The following FRMD4A variants were observed in gnomAD, a reference collection of about 807,000 sequenced individuals.
FRMD4A encodes FERM domain containing 4A, also known as FERM domain-containing protein 4A.
Under a neutral mutation model 129.1 loss-of-function variants are expected in FRMD4A, and 29 were observed. The ratio of observed to expected loss-of-function variants is 0.22; its 90% CI spans 0.17 to 0.31. The LOEUF (loss-of-function observed/expected upper bound fraction) is 0.31, where lower values mean the gene tolerates loss of function less well. Ranked by LOEUF, FRMD4A falls within the 10% of genes least tolerant of loss-of-function variation. The probability of loss-of-function intolerance (pLI) is 1.00; values close to 1 mark genes in which losing one functional copy is unlikely to be tolerated. For missense variants in FRMD4A, 1,272 were observed against 1,375.8 expected, an observed-to-expected ratio of 0.92 and a Z score of 1.19; for synonymous variants, 634 against 571.6, an observed-to-expected ratio of 1.11 and a Z score of -1.56.
intron 11 of FRMD4A, 72 bp downstream of exon 11, chr10:13,740,122 A>G: frequency 1.2e-6 from 1 of 868,334 alleles, no homozygotes; most frequent in Non-Finnish European, 1.9e-6. Flanking sequence ...AAAGAAGAAA[A>G]CATATAACGA....
At chr10:14,253,060 T>C (rs1564419026) in intron 2 of FRMD4A, among the ~76,000 whole-genome samples, 1 of 152,242 alleles carries the variant, frequency 6.6e-6, no homozygotes, top group Non-Finnish European at 1.5e-5. Context: ...TCTGAATAGC[T>C]TTAAGTCAAA....
At chr10:13,726,821 C>T (rs1564697679) in intron 12 of FRMD4A, among the ~76,000 whole-genome samples, 1 of 152,146 alleles carries the variant, frequency 6.6e-6, no homozygotes, top group Non-Finnish European at 1.5e-5. Flanking sequence ...AGGCTGGTCT[C>T]CAACTGCTAC....
At chr10:13,783,473 C>T (rs2092783947) in intron 5 of FRMD4A, among the ~76,000 whole-genome samples, 6 of 151,922 alleles carry the variant, frequency 3.9e-5, no homozygotes. Context: ...CAGCCTTGAC[C>T]TCCCAGGCTC....
At chr10:14,035,298 G>C (rs1038303705) in intron 2 of FRMD4A, among the ~76,000 whole-genome samples, 3 of 151,996 alleles carry the variant, frequency 2.0e-5, no homozygotes, top group Admixed American at 1.3e-4. Context: ...TGTAATCCCA[G>C]GTACTCAGGA....
chr10:13,717,083 T>C (rs1287733638), intron 12 of FRMD4A, among the ~76,000 whole-genome samples: 2 of 152,130 alleles, frequency 1.3e-5, no homozygotes, highest in Non-Finnish European at 2.9e-5. Flanking sequence ...TTTCTAGCAA[T>C]GAGCACTGTG....
intron 2 of FRMD4A, among the ~76,000 whole-genome samples, chr10:14,166,001 T>C (rs1188108276): frequency 1.3e-5 from 2 of 151,988 alleles, no homozygotes; most frequent in Non-Finnish European, 2.9e-5. Context: ...GCCCCCTGAA[T>C]CTGAAGTTAG....
intron 2 of FRMD4A, among the ~76,000 whole-genome samples, chr10:13,886,836 C>T (rs1041983394): frequency 6.6e-6 from 1 of 152,140 alleles, no homozygotes; most frequent in African/African-American, 2.4e-5. Flanking sequence ...AACCAGGGTC[C>T]GGGGAGTGCT....
chr10:14,010,496 G>A (rs1447383019), intron 2 of FRMD4A, among the ~76,000 whole-genome samples: 1 of 151,940 alleles, frequency 6.6e-6, no homozygotes, highest in Admixed American at 6.5e-5. Flanking sequence ...TAGCACAAAA[G>A]CCTCCTCCCA....
chr10:13,766,307 G>T (rs896189615), intron 6 of FRMD4A, among the ~76,000 whole-genome samples: 2 of 152,174 alleles, frequency 1.3e-5, no homozygotes, highest in African/African-American at 2.4e-5. Context: ...GGTTAAGTGA[G>T]AACTGGCACC....
At chr10:14,295,584 G>A (rs925420617) in intron 2 of FRMD4A, among the ~76,000 whole-genome samples, 1 of 152,102 alleles carries the variant, frequency 6.6e-6, no homozygotes, top group Non-Finnish European at 1.5e-5. Context: ...TATGCTAAGG[G>A]CATTGTCTGG....
rs2095602254 is a variant in FRMD4A at position 13,991,262 on chromosome 10, A to G, written c.46-132350T>C. Among the ~76,000 whole-genome samples, 3 of 152,246 alleles carry G rather than the reference A, an allele frequency of 2.0e-5. 1 individual carries two copies. In the South Asian group the frequency reaches 6.2e-4, roughly 31 times the overall value. On this transcript the variant is annotated intron_variant, in intron 2 of 24. Coordinates refer to ENST00000357447, the MANE Select transcript of FRMD4A (RefSeq NM_018027.5). ...GAAAAGGACAAAAAGGAGGCTTCCA[A>G]CATCCTGGTGGGAACAGAAAACCAG...
intron 2 of FRMD4A, among the ~76,000 whole-genome samples, chr10:14,157,355 G>T (rs1409752): frequency 6.6e-6 from 1 of 152,126 alleles, no homozygotes. Context: ...ATCATCGCCT[G>T]CATATCATAC....
chr10:14,008,518 T>C, intron 2 of FRMD4A: 1 of 990,372 alleles, frequency 1.0e-6, no homozygotes, highest in Non-Finnish European at 1.2e-6. Flanking sequence ...TCAACTTTGC[T>C]TCTCGTGGCT....
chr10:14,293,041 T>G (rs1209067645), intron 2 of FRMD4A, among the ~76,000 whole-genome samples: 1 of 151,828 alleles, frequency 6.6e-6, no homozygotes, highest in Non-Finnish European at 1.5e-5. Flanking sequence ...CTGATAAAAA[T>G]TAAGAAAAAG....
intron 8 of FRMD4A, among the ~76,000 whole-genome samples, chr10:13,748,733 C>A (rs551211331): frequency 1.3e-5 from 2 of 151,812 alleles, no homozygotes; most frequent in South Asian, 2.1e-4. Context: ...GCCAACATGA[C>A]GCTCAAAGGA....
chr10:14,121,340 C>A (rs780204988), intron 2 of FRMD4A, among the ~76,000 whole-genome samples: 1 of 152,134 alleles, frequency 6.6e-6, no homozygotes, highest in Non-Finnish European at 1.5e-5. Flanking sequence ...TGCACTCCAG[C>A]CTGGGCAGCA....
At chr10:14,260,224 C>G (rs1206842269) in intron 2 of FRMD4A, among the ~76,000 whole-genome samples, 2 of 152,128 alleles carry the variant, frequency 1.3e-5, no homozygotes, top group East Asian at 3.9e-4. Flanking sequence ...CCGCTGCATT[C>G]TCTCCCTTTT....
chr10:13,663,924 T>C (rs1462212265), intron 18 of FRMD4A, among the ~76,000 whole-genome samples: 1 of 152,228 alleles, frequency 6.6e-6, no homozygotes, highest in Non-Finnish European at 1.5e-5. Flanking sequence ...GGGTAGGCAC[T>C]TTGCTTTGCT....
At chr10:13,793,341 T>C (rs763604309) in intron 5 of FRMD4A, among the ~76,000 whole-genome samples, 3 of 152,044 alleles carry the variant, frequency 2.0e-5, no homozygotes, top group Non-Finnish European at 4.4e-5. Context: ...CTAGCTAATT[T>C]TTGTATTTTT....
Sources: gnomAD v4.1 joint callset for allele counts (sites outside exome capture counted in the v4.1 genomes callset) on GRCh38, gnomAD v4.1.1 for gene constraint, MANE v1.5 for transcripts, NCBI Gene and HGNC (gene_info 2026-07-23, HGNC 2026-07-21) for gene names.